SOX6: variants seen among roughly 807,000 people sequenced by gnomAD.
SOX6 encodes the protein SRY-box transcription factor 6.
A neutral mutation model predicts 97.8 loss-of-function variants in SOX6; 11 were observed. The observed-to-expected ratio is 0.11, with a 90% CI of 0.07 to 0.19. SOX6 has a LOEUF of 0.19. Among genes scored for constraint, SOX6 ranks in the 10% least tolerant of loss-of-function variants. SOX6 has a pLI of 1.00. For missense variants in SOX6, 810 were observed against 1,039.5 expected (o/e 0.78, Z 3.04); for synonymous variants, 360 against 371.4 (o/e 0.97, Z 0.35).
At chr11:16,024,813 T>C (rs1855170381) in intron 12 of SOX6, among the ~76,000 whole-genome samples, 1 of 152,096 alleles carries the variant, frequency 6.6e-6, no homozygotes, top group South Asian at 2.1e-4. Context: ...CTTGTGGAGA[T>C]GTTTTATGGA....
At chr11:16,308,030 A>G (rs1478052917) in intron 3 of SOX6, among the ~76,000 whole-genome samples, 2 of 152,176 alleles carry the variant, frequency 1.3e-5, no homozygotes, top group East Asian at 1.9e-4. Context: ...TCAACTAAGA[A>G]AGCTACGATA....
At chr11:16,021,556 T>A (rs1297260554) in intron 12 of SOX6, among the ~76,000 whole-genome samples, 1 of 152,166 alleles carries the variant, frequency 6.6e-6, no homozygotes, top group African/African-American at 2.4e-5. Context: ...TTTAGAGGTA[T>A]AGGACTTACT....
At chr11:16,021,915 A>G (rs1855070267) in intron 12 of SOX6, among the ~76,000 whole-genome samples, 1 of 152,092 alleles carries the variant, frequency 6.6e-6, no homozygotes, top group Non-Finnish European at 1.5e-5. Context: ...AGAAAATACT[A>G]TTGTTATCAA....
intron 11 of SOX6, among the ~76,000 whole-genome samples, chr11:16,048,571 T>A (rs1847604259): frequency 6.6e-6 from 1 of 152,190 alleles, no homozygotes; most frequent in African/African-American, 2.4e-5. Context: ...AACCACAATG[T>A]ATGTATTTGT....
intron 3 of SOX6, among the ~76,000 whole-genome samples, chr11:16,698,804 A>T (rs796674588): frequency 2.0e-5 from 3 of 152,332 alleles, no homozygotes; most frequent in African/African-American, 7.2e-5. Flanking sequence ...CAGTTAGAAC[A>T]CACAACTCTT....
chr11:15,994,114 G>T (rs1854150976), intron 13 of SOX6, among the ~76,000 whole-genome samples: 1 of 152,126 alleles, frequency 6.6e-6, no homozygotes, highest in South Asian at 2.1e-4. Context: ...TGTTTTTAAG[G>T]AATTTGGTCC....
At chr11:16,609,110 A>G (rs1410988597) in intron 4 of SOX6, among the ~76,000 whole-genome samples, 1 of 152,244 alleles carries the variant, frequency 6.6e-6, no homozygotes, top group Non-Finnish European at 1.5e-5. Context: ...GTGCAAAAAA[A>G]GCTGGAGGAC....
At position 16,529,560 on chromosome 11, in the gene SOX6, T is replaced by C. The variant is rs138060940; in HGVS notation, n.610-53172A>G. Among the ~76,000 whole-genome samples, 59 of 152,202 alleles carry C rather than the reference T, an allele frequency of 3.9e-4. No homozygotes were observed. The East Asian group carries it at 9.4e-3, about 24-fold the overall frequency. ...TTCTCCTCTTCAACCTTGACATTTG[T>C]CCCCAAATGTTGCTATCCAGCTAAC... On this transcript the variant is annotated intron_variant and non_coding_transcript_variant, in intron 4 of 5. Coordinates refer to the SOX6 transcript ENST00000524520.
At chr11:16,424,293 T>C (rs765618882) in intron 1 of SOX6, among the ~76,000 whole-genome samples, 2 of 152,264 alleles carry the variant, frequency 1.3e-5, no homozygotes, top group Admixed American at 6.5e-5. Flanking sequence ...GTTGTAATAA[T>C]AGCATCTTGC....
intron 3 of SOX6, among the ~76,000 whole-genome samples, chr11:16,246,416 A>T (rs989491583): frequency 6.6e-6 from 1 of 151,832 alleles, no homozygotes; most frequent in African/African-American, 2.4e-5. Flanking sequence ...GTTTTTTAAA[A>T]TTTTTAAAAT....
intron 3 of SOX6, among the ~76,000 whole-genome samples, chr11:16,633,378 G>T (rs1465976447): frequency 6.6e-6 from 1 of 152,116 alleles, no homozygotes; most frequent in Non-Finnish European, 1.5e-5. Context: ...CTCTGAAACA[G>T]TTTAAAATCA....
At chr11:16,554,534 CA>C in intron 4 of SOX6, among the ~76,000 whole-genome samples, 1 of 152,132 alleles carries the variant, frequency 6.6e-6, no homozygotes, top group South Asian at 2.1e-4. Context: ...GGTTTTATTC[CA>C]AAAGCAGCAA....
Position 16,184,062 on chromosome 11 carries a change from G to A in SOX6, c.709-108C>T, listed in dbSNP as rs891592677. 1.4e-5 allele frequency: 14 copies of A among 981,396 alleles called. 1 individual carries two copies. The African/African-American group carries it at 2.1e-4, about 15-fold the overall frequency. 60.8% of individuals were successfully genotyped at this position (981,396 alleles called of 1,614,324 possible). On this transcript the variant is annotated intron_variant, in intron 5 of 15. Transcript: ENST00000683767. Reference sequence around the variant, plus strand: ...ACAATCTTTTACCGCACCTCTATGTGAAAGAGTTCCTATAAAATGAGAGAG... The same window carrying A: ...ACAATCTTTTACCGCACCTCTATGTAAAAGAGTTCCTATAAAATGAGAGAG...
At chr11:16,400,696 A>C (rs1402434738) in intron 1 of SOX6, among the ~76,000 whole-genome samples, 2 of 151,410 alleles carry the variant, frequency 1.3e-5, no homozygotes, top group Non-Finnish European at 3.0e-5. Context: ...CTATTTTTTG[A>C]GTACCTTCTA....
chr11:16,451,778 C>G (rs765834332), intron 1 of SOX6, among the ~76,000 whole-genome samples: 3 of 151,844 alleles, frequency 2.0e-5, no homozygotes, highest in Non-Finnish European at 4.4e-5. Flanking sequence ...CTGGCTGATG[C>G]CTCCCAACAC....
At chr11:16,244,290 T>G (rs1853273982) in intron 3 of SOX6, among the ~76,000 whole-genome samples, 1 of 151,880 alleles carries the variant, frequency 6.6e-6, no homozygotes, top group South Asian at 2.1e-4. Flanking sequence ...TTTCATATGC[T>G]TTTTGACCAT....
At chr11:16,386,298 T>A (rs1029572314) in intron 1 of SOX6, among the ~76,000 whole-genome samples, 3 of 151,024 alleles carry the variant, frequency 2.0e-5, no homozygotes, top group Non-Finnish European at 4.4e-5. Context: ...CTTTCCTGAT[T>A]CTAAGTTGAG....
intron 1 of SOX6, among the ~76,000 whole-genome samples, chr11:16,352,157 A>C (rs1220646450): frequency 6.6e-6 from 1 of 152,062 alleles, no homozygotes; most frequent in Non-Finnish European, 1.5e-5. Flanking sequence ...AAAGTTCTGC[A>C]TATTCCCTGG....
At chr11:16,313,507 C>T (rs528005156) in intron 3 of SOX6, 1 of 152,096 alleles carries the variant, frequency 6.6e-6, no homozygotes, top group East Asian at 1.9e-4. Context: ...ATAATACATC[C>T]CAAATGAGGA....
Sources: gnomAD v4.1 joint callset for allele counts (sites outside exome capture counted in the v4.1 genomes callset) on GRCh38, gnomAD v4.1.1 for gene constraint, MANE v1.5 for transcripts, NCBI Gene and HGNC (gene_info 2026-07-23, HGNC 2026-07-21) for gene names.